The following PDE4B variants were observed in gnomAD, a reference collection of about 807,000 sequenced individuals.
PDE4B encodes the protein 3',5'-cyclic-AMP phosphodiesterase 4B.
In PDE4B, 20 loss-of-function variants were observed where a neutral mutation model predicts 82.2. The ratio of observed to expected loss-of-function variants is 0.24; its 90% CI spans 0.17 to 0.35. PDE4B has a LOEUF of 0.35. Among genes scored for constraint, PDE4B ranks in the 10% least tolerant of loss-of-function variants. The pLI, the probability that PDE4B is intolerant of heterozygous loss-of-function variation, is 1.00. For missense variants in PDE4B, 655 were observed against 907.2 expected, an observed-to-expected ratio of 0.72 and a Z score of 3.57; for synonymous variants, 320 against 318.9, an observed-to-expected ratio of 1.00 and a Z score of -0.04.
chr1:65,827,108 A>G (rs755377850), intron 1 of PDE4B, among the ~76,000 whole-genome samples: 1 of 152,116 alleles, frequency 6.6e-6, no homozygotes, highest in Non-Finnish European at 1.5e-5. Flanking sequence ...AAACAGCCCA[A>G]CACCTGATTA....
intron 4 of PDE4B, among the ~76,000 whole-genome samples, chr1:66,254,872 A>G (rs1245721808): frequency 6.6e-6 from 1 of 151,986 alleles, no homozygotes; most frequent in African/African-American, 2.4e-5. Context: ...ATTTCTAACT[A>G]TTCTTTCCAG....
chr1:66,280,781 A>G (rs777403183), intron 7 of PDE4B, among the ~76,000 whole-genome samples: 5 of 151,988 alleles, frequency 3.3e-5, no homozygotes, highest in Admixed American at 2.0e-4. Flanking sequence ...CCGTATTCCT[A>G]TGTTTCCGGT....
At chr1:65,907,861 G>A (rs1002902817) in intron 1 of PDE4B, among the ~76,000 whole-genome samples, 38 of 152,104 alleles carry the variant, frequency 2.5e-4, no homozygotes, top group African/African-American at 8.2e-4. Context: ...TGTTAAGCTA[G>A]AAAGGGCAAC....
At position 66,279,198 on chromosome 1, in the gene PDE4B, G is replaced by A. The variant is rs1179882246; in HGVS notation, c.634+13111G>A. 2.0e-5 allele frequency among the ~76,000 whole-genome samples: 3 copies of A among 152,126 alleles called. No homozygotes were observed. The South Asian group carries it at 6.2e-4, about 32-fold the overall frequency. Reference sequence around the variant, plus strand: ...TTGCTCCCTCCTGTACATGTCCTATGTTGCTTTCTAAAAGCATCATAGCTC... The same window carrying A: ...TTGCTCCCTCCTGTACATGTCCTATATTGCTTTCTAAAAGCATCATAGCTC... On this transcript the variant is annotated intron_variant, in intron 7 of 16. Transcript: ENST00000341517.
intron 3 of PDE4B, among the ~76,000 whole-genome samples, chr1:65,968,114 A>G (rs987713162): frequency 6.6e-6 from 1 of 152,164 alleles, no homozygotes; most frequent in Non-Finnish European, 1.5e-5. Flanking sequence ...ATGACATAAT[A>G]GAAAGACTAT....
chr1:66,300,863 T>C (rs960551832), intron 7 of PDE4B, among the ~76,000 whole-genome samples: 1 of 152,176 alleles, frequency 6.6e-6, no homozygotes, highest in African/African-American at 2.4e-5. Flanking sequence ...TCTTCATAGA[T>C]GGCCTATTCT....
intron 7 of PDE4B, among the ~76,000 whole-genome samples, chr1:66,323,975 G>A (rs1659583338): frequency 6.6e-6 from 1 of 152,160 alleles, no homozygotes; most frequent in African/African-American, 2.4e-5. Flanking sequence ...AGATAATTAA[G>A]TTCTTTGAAC....
At chr1:65,978,625 G>T (rs566497875) in intron 3 of PDE4B, among the ~76,000 whole-genome samples, 107 of 152,058 alleles carry the variant, frequency 7.0e-4, no homozygotes, top group Non-Finnish European at 1.1e-3. Flanking sequence ...GTATTTTTGT[G>T]CTTAGTAATC....
At chr1:65,999,023 T>C (rs377629112) in intron 3 of PDE4B, among the ~76,000 whole-genome samples, 1 of 152,294 alleles carries the variant, frequency 6.6e-6, no homozygotes, top group South Asian at 2.1e-4. Flanking sequence ...TTTAGTGTCA[T>C]CAAGTCTTCA....
rs114682486 is a variant in PDE4B at position 66,174,251 on chromosome 1, G to T, written c.282-73209G>T. 5.5e-3 allele frequency among the ~76,000 whole-genome samples: 831 copies of T among 152,284 alleles called. 7 individuals are homozygous for T. The highest frequency in any genetic ancestry group is 0.019 in the African/African-American group (785 of 41,550). Reference sequence around the variant, plus strand: ...ATGCAGTAGGGGAGCTAAATTTTATGAACTCTAGGGGAAATCCTTGAGCAA... The same window carrying T: ...ATGCAGTAGGGGAGCTAAATTTTATTAACTCTAGGGGAAATCCTTGAGCAA... On this transcript the variant is annotated intron_variant, in intron 3 of 16. Coordinates refer to ENST00000341517, the MANE Select transcript of PDE4B (RefSeq NM_002600.4).
At chr1:65,966,727 C>T (rs1486668793) in intron 3 of PDE4B, among the ~76,000 whole-genome samples, 1 of 151,914 alleles carries the variant, frequency 6.6e-6, no homozygotes, top group African/African-American at 2.4e-5. Context: ...AGAACAGAGG[C>T]CTCAGAAATA....
In PDE4B at chr1:66,323,441, A is replaced by G. The variant is rs186540590; in HGVS notation, c.635-9067A>G. Among the ~76,000 whole-genome samples, 33 of 152,278 alleles carry G rather than the reference A, an allele frequency of 2.2e-4. No homozygotes were observed. The East Asian group carries it at 4.8e-3, about 22-fold the overall frequency. On this transcript the variant is annotated intron_variant, in intron 7 of 16. Coordinates refer to ENST00000341517, the MANE Select transcript of PDE4B (RefSeq NM_002600.4). ...GTTCCAAGTTGTACTAAGTTTTTGCATAATTATTTTTCTATTCCTCTTAGG... is the reference window on the plus strand; with the variant it reads ...GTTCCAAGTTGTACTAAGTTTTTGCGTAATTATTTTTCTATTCCTCTTAGG...
chr1:66,096,863 T>C lies in PDE4B; in HGVS notation c.282-150597T>C, dbSNP rs1645130134. Among the ~76,000 whole-genome samples, 3 of 151,830 alleles carry C rather than the reference T, an allele frequency of 2.0e-5. No individual in the cohort carries two copies. In the Admixed American group the frequency reaches 2.0e-4, roughly 10 times the overall value. On this transcript the variant is annotated intron_variant, in intron 3 of 16. Coordinates refer to ENST00000341517, the MANE Select transcript of PDE4B (RefSeq NM_002600.4). The stretch of plus-strand genomic sequence containing the variant: ...CTATAGTTTTGCCTTTTTTAGAACA[T>C]CAAATAGTGTGTAGTTTTTCATATC...
chr1:65,815,843 A>G (rs897982622), intron 1 of PDE4B, among the ~76,000 whole-genome samples: 1 of 152,256 alleles, frequency 6.6e-6, no homozygotes, highest in Non-Finnish European at 1.5e-5. Flanking sequence ...GGATTCATAC[A>G]TATTGCTATA....
chr1:65,983,879 A>G (rs1557476511), intron 3 of PDE4B, among the ~76,000 whole-genome samples: 1 of 152,196 alleles, frequency 6.6e-6, no homozygotes, highest in African/African-American at 2.4e-5. Context: ...TATATTGTAT[A>G]AGGATAGTTG....
At chr1:66,317,293 A>G (rs1659091985) in intron 7 of PDE4B, among the ~76,000 whole-genome samples, 1 of 152,162 alleles carries the variant, frequency 6.6e-6, no homozygotes, top group Non-Finnish European at 1.5e-5. Context: ...AGAGCCTGTG[A>G]GTCTCCTACT....
intron 13 of PDE4B, among the ~76,000 whole-genome samples, chr1:66,366,938 A>T (rs1056275957): frequency 2.0e-5 from 3 of 152,208 alleles, no homozygotes; most frequent in African/African-American, 7.2e-5. Context: ...CATTACCACC[A>T]CTTGTCTGGT....
At chr1:65,913,183 G>A in intron 1 of PDE4B, 62 bp from the exon 2 acceptor site, 1 of 658,114 alleles carries the variant, frequency 1.5e-6, no homozygotes, top group Non-Finnish European at 2.7e-6. Context: ...TAGAGAGTAT[G>A]CCACATATTT....
chr1:66,191,491 A>C (rs1241274836), intron 3 of PDE4B, among the ~76,000 whole-genome samples: 9 of 152,204 alleles, frequency 5.9e-5, no homozygotes, highest in Non-Finnish European at 1.3e-4. Flanking sequence ...GCAGAAATTA[A>C]AATCTTAATT....
Sources: gnomAD v4.1 joint callset for allele counts (sites outside exome capture counted in the v4.1 genomes callset) on GRCh38, gnomAD v4.1.1 for gene constraint, MANE v1.5 for transcripts, NCBI Gene and HGNC (gene_info 2026-07-23, HGNC 2026-07-21) for gene names.